Variants in SNX4 observed in about 807,000 individuals in gnomAD.
The protein encoded by SNX4 is sorting nexin 4, also known as sorting nexin-4.
Under a neutral mutation model 70.8 loss-of-function variants are expected in SNX4, and 49 were observed. The ratio of observed to expected loss-of-function variants is 0.69; its 90% CI spans 0.55 to 0.88. The LOEUF (loss-of-function observed/expected upper bound fraction) is 0.88. SNX4 is among the 40% of genes least tolerant of loss of function. SNX4 has a pLI of 0.00. For synonymous variants in SNX4, 206 were observed against 183.8 expected (o/e 1.12, Z -0.98); for missense variants, 528 against 544.8 (o/e 0.97, Z 0.31).
In SNX4 at chr3:125,457,274, C is replaced by G. The variant is rs1484905248; in HGVS notation, c.1036G>C (p.Val346Leu). ...ASKKQQCEEL[V>L]TGTVRTFSLK... ...AAAAGGAAAATACTCACCCCAGTTA[C>G]CAGTTCCTCACACTGCTGCTTCTTG... Residue 346 changes from valine to leucine, a missense_variant, in exon 11 of 14, where the codon GTA becomes CTA. Val to Leu is a conservative substitution (Grantham distance 32, BLOSUM62 1). Coordinates refer to ENST00000251775, the MANE Select transcript of SNX4 (RefSeq NM_003794.4). The G allele has an allele frequency of 2.5e-6, 4 of 1,612,698 alleles. No individual in the cohort carries two copies. Among genetic ancestry groups the G allele is most frequent in the Non-Finnish European group, 3.4e-6 (4 of 1,178,850 alleles).
chr3:125,502,832 T>TGACA (rs1330778825), intron 2 of SNX4, among the ~76,000 whole-genome samples: 1 of 130,668 alleles, frequency 7.7e-6, no homozygotes. Context: ...CTAGCCTGGG[T>TGACA]GACAGAGTGA....
In SNX4 at chr3:125,478,482, AAC is replaced by A. The variant is rs144348597; in HGVS notation, c.727-1728_727-1727del. On this transcript the variant is annotated intron_variant, in intron 7 of 13. Coordinates refer to ENST00000251775, the MANE Select transcript of SNX4 (RefSeq NM_003794.4). ...GGGAAACACTGAGACAATAAAATTT[AAC>A]AGTTTTTTTTCTGTAGGACCTTTTA... Among the ~76,000 whole-genome samples, 1,454 of 151,662 alleles carry A rather than the reference AAC, an allele frequency of 9.6e-3. 21 individuals are homozygous for A. The highest frequency in any genetic ancestry group is 0.033 in the African/African-American group (1,359 of 41,292).
rs765073894 is a variant in SNX4, at chr3:125,504,656, T to C, written c.230A>G (p.Gln77Arg). The change falls in exon 2 of 14, where the codon CAA (glutamine) becomes CGA (arginine). Residue 77 changes from glutamine to arginine, a missense_variant. This residue lies in a region of SNX4 where 341 missense variants were observed against 312.2 expected (regional missense o/e 1.09). Transcript: ENST00000251775. ...AATGAGGTAAGCAGTATATGTTTCT[T>C]GCATGTTCATGGCATTTCTTCCAGT... is the stretch of plus-strand genomic sequence containing the variant. ...KRTGRNAMNM[Q>R]ETYTAYLIET... 3 of 1,614,146 alleles carry C rather than the reference T, an allele frequency of 1.9e-6. No homozygotes were observed. The highest frequency in any genetic ancestry group is 2.5e-6 in the Non-Finnish European group (3 of 1,180,002).
At chr3:125,491,596 G>A (rs1281550393) in intron 5 of SNX4, among the ~76,000 whole-genome samples, 1 of 152,116 alleles carries the variant, frequency 6.6e-6, no homozygotes, top group Non-Finnish European at 1.5e-5. Context: ...TAAAAAAGAG[G>A]AAGCTGACTA....
At chr3:125,492,757 C>T (rs1191974196) in intron 5 of SNX4, among the ~76,000 whole-genome samples, 2 of 152,134 alleles carry the variant, frequency 1.3e-5, no homozygotes, top group African/African-American at 4.8e-5. Flanking sequence ...CTACTGTATC[C>T]ACAACGCTTA....
chr3:125,494,162 A>G (rs183413372), intron 5 of SNX4, among the ~76,000 whole-genome samples: 1 of 152,298 alleles, frequency 6.6e-6, no homozygotes, highest in East Asian at 1.9e-4. Flanking sequence ...GCCAAGGTCA[A>G]ATATTCTTAT....
intron 1 of SNX4, among the ~76,000 whole-genome samples, chr3:125,511,386 A>G (rs1431528567): frequency 2.0e-5 from 3 of 152,054 alleles, no homozygotes; most frequent in Non-Finnish European, 2.9e-5. Flanking sequence ...TTTTTTTTTA[A>G]CAATCAGGAG....
chr3:125,476,618 T>C (rs1934294909), intron 8 of SNX4, 77 bp downstream of exon 8: 1 of 896,388 alleles, frequency 1.1e-6, no homozygotes, highest in Admixed American at 2.1e-5. Context: ...TCCACACTCA[T>C]AAATGTTCAA....
chr3:125,476,554 A>G (rs1018107080), intron 8 of SNX4, 141 bp downstream of exon 8: 4 of 629,606 alleles, frequency 6.4e-6, no homozygotes, highest in African/African-American at 3.9e-5. Flanking sequence ...GGGTGACAAG[A>G]AAGAAACTCC....
At chr3:125,510,316 C>T (rs1935143085) in intron 1 of SNX4, among the ~76,000 whole-genome samples, 1 of 151,902 alleles carries the variant, frequency 6.6e-6, no homozygotes, top group African/African-American at 2.4e-5. Context: ...CAAGCTCCGC[C>T]TTCCGGGTTC....
chr3:125,492,107 CAAAAAA>C (rs60558490), intron 5 of SNX4, among the ~76,000 whole-genome samples: 56 of 47,398 alleles, frequency 1.2e-3, no homozygotes, highest in African/African-American at 4.0e-3. Context: ...GACTCCATCT[CAAAAAA>C]AAAAAAAAAA....
chr3:125,489,547 G>A, intron 5 of SNX4, 84 bp from the exon 6 acceptor site: 1 of 1,041,788 alleles, frequency 9.6e-7, no homozygotes, highest in Non-Finnish European at 1.5e-6. Flanking sequence ...TTAGAATTAA[G>A]ATGCTCAAGT....
chr3:125,447,953 A>G (rs987820165), intron 13 of SNX4, 127 bp from the exon 14 acceptor site: 7 of 571,778 alleles, frequency 1.2e-5, no homozygotes, highest in Non-Finnish European at 2.1e-5. Flanking sequence ...ATATGACACT[A>G]TTTTGGGAAG....
chr3:125,463,933 G>A (rs1195087313), intron 9 of SNX4, among the ~76,000 whole-genome samples: 2 of 152,108 alleles, frequency 1.3e-5, no homozygotes, highest in Non-Finnish European at 2.9e-5. Context: ...TAAAGGCCTG[G>A]CGGGGTGGCT....
At chr3:125,450,420 T>C (rs1362690839) in intron 13 of SNX4, among the ~76,000 whole-genome samples, 2 of 152,198 alleles carry the variant, frequency 1.3e-5, no homozygotes, top group African/African-American at 4.8e-5. Flanking sequence ...AAATAAAATT[T>C]TGGGACAAAC....
intron 12 of SNX4, among the ~76,000 whole-genome samples, chr3:125,452,128 C>A (rs1448714515): frequency 6.7e-6 from 1 of 149,940 alleles, no homozygotes; most frequent in Non-Finnish European, 1.5e-5. Context: ...TTTTTTGAGA[C>A]CAAGTCTCGC....
At chr3:125,497,312 C>A (rs755447936) in intron 5 of SNX4, 29 bp downstream of exon 5, 9 of 1,532,044 alleles carry the variant, frequency 5.9e-6, no homozygotes, top group Non-Finnish European at 8.1e-6. Flanking sequence ...TGTAAAGGAA[C>A]ATGGCAAATT....
Position 125,498,143 on chromosome 3 carries a change from C to T in SNX4, c.315G>A (p.Arg105=), listed in dbSNP as rs1247484174. The T allele has an allele frequency of 6.2e-7, 1 of 1,613,608 alleles. No homozygotes were observed. Among genetic ancestry groups the T allele is most frequent in the South Asian group, 1.1e-5 (1 of 91,070 alleles). The change falls in exon 3 of 14, where the codon CGG becomes CGA. Residue 105 remains arginine, a synonymous_variant. Coordinates refer to ENST00000251775, the MANE Select transcript of SNX4 (RefSeq NM_003794.4). ...TCAACAACTCAAATTCACTATATCG[C>T]CGCCATAGTGAGTCTGTTAGGACAC... ...GQSVLTDSLW[R]RYSEFELLRS... is the part of the protein sequence containing the mutation.
intron 2 of SNX4, among the ~76,000 whole-genome samples, chr3:125,500,698 A>G (rs1236973572): frequency 7.0e-6 from 1 of 142,964 alleles, no homozygotes; most frequent in Non-Finnish European, 1.5e-5. Flanking sequence ...GCTACTCGGG[A>G]GGCTGAGGCA....
Sources: gnomAD v4.1 joint callset for allele counts (sites outside exome capture counted in the v4.1 genomes callset) on GRCh38, gnomAD v4.1.1 for gene constraint, gnomAD v4.1.1 regional missense constraint, MANE v1.5 for transcripts, NCBI Gene and HGNC (gene_info 2026-07-23, HGNC 2026-07-21) for gene names.